The following PDE11A variants were observed in gnomAD, a reference collection of about 807,000 sequenced individuals.
PDE11A encodes phosphodiesterase 11A.
A neutral mutation model predicts 100.5 loss-of-function variants in PDE11A; 100 were observed. The observed-to-expected ratio is 1.00, with a 90% CI of 0.85 to 1.18. The LOEUF (loss-of-function observed/expected upper bound fraction) is 1.18, where lower values mean the gene tolerates loss of function less well. PDE11A is among the 50% of genes most tolerant of loss of function. PDE11A has a pLI of 0.00. For synonymous variants in PDE11A, 381 were observed against 420.8 expected, an observed-to-expected ratio of 0.91 and a Z score of 1.16; for missense variants, 1,141 against 1,152.6, an observed-to-expected ratio of 0.99 and a Z score of 0.15.
upstream of PDE11A, among the ~76,000 whole-genome samples, chr2:178,073,985 G>T (rs2087171634): frequency 1.3e-5 from 2 of 151,998 alleles, no homozygotes; most frequent in East Asian, 3.9e-4. Context: ...ATGTCCATCA[G>T]CTGAGGAACA....
chr2:177,840,324 G>A lies in PDE11A; in HGVS notation c.1427C>T (p.Ala476Val), dbSNP rs2083470910. 1.2e-6 allele frequency: 2 copies of A among 1,613,314 alleles called. No homozygotes were observed. The highest frequency in any genetic ancestry group is 1.7e-5 in the Admixed American group (1 of 60,004). ...AAGGCCTGTTGAAGCAACCAGCTCA[G>A]CAATGCTGTTATTTATTAGCCAGTC... Reference protein sequence around the residue: ...YSDWLINNSIAELVASTGLPV... With the variant: ...YSDWLINNSIVELVASTGLPV... The change falls in exon 6 of 20, where the codon GCT (alanine) becomes GTT (valine). Residue 476 changes from alanine (A) to valine (V), a missense_variant. Physicochemically the swap from Ala to Val is moderately conservative, Grantham distance 64. Transcript: ENST00000286063.
At chr2:177,688,774 C>T (rs996406099) in intron 15 of PDE11A, among the ~76,000 whole-genome samples, 2 of 152,224 alleles carry the variant, frequency 1.3e-5, no homozygotes, top group African/African-American at 4.8e-5. Context: ...TTGAACAGAA[C>T]GGCTAAAATT....
intron 6 of PDE11A, among the ~76,000 whole-genome samples, chr2:177,824,108 T>C (rs80071136): frequency 6.6e-6 from 1 of 152,170 alleles, no homozygotes; most frequent in Admixed American, 6.6e-5. Flanking sequence ...TTTTTTTTTT[T>C]CTTCTGGGAA....
intron 2 of PDE11A, among the ~76,000 whole-genome samples, chr2:178,011,521 C>G (rs2086274214): frequency 6.6e-6 from 1 of 152,170 alleles, no homozygotes; most frequent in African/African-American, 2.4e-5. Flanking sequence ...AGGTGCAGAG[C>G]TTCTGATCCT....
At chr2:177,667,445 C>T (rs1228914036) in intron 18 of PDE11A, among the ~76,000 whole-genome samples, 1 of 152,136 alleles carries the variant, frequency 6.6e-6, no homozygotes, top group African/African-American at 2.4e-5. Context: ...AGGTAGGGAG[C>T]CAACTTCATT....
At chr2:177,829,452 CT>C (rs35041048) in intron 6 of PDE11A, among the ~76,000 whole-genome samples, 9 of 147,374 alleles carry the variant, frequency 6.1e-5, no homozygotes, top group South Asian at 2.2e-4. Flanking sequence ...AGGCAAAATT[CT>C]TTTTTTTTTA....
rs548321692 is a variant in PDE11A at position 177,818,010 on chromosome 2, C to T, written c.1577-85G>A. On this transcript the variant is annotated intron_variant, in intron 7 of 19. Transcript: ENST00000286063. The stretch of plus-strand genomic sequence containing the variant: ...TAGAGTAGCCACAGCTAACTCTATG[C>T]CTTTTTTAAGGAACTGCACTCAGTT... The T allele has an allele frequency of 4.0e-6, 3 of 756,432 alleles. 1 individual carries two copies. In the African/African-American group the frequency reaches 5.2e-5, roughly 13 times the overall value. 46.9% of individuals were successfully genotyped at this position (756,432 alleles called of 1,614,324 possible).
intron 9 of PDE11A, among the ~76,000 whole-genome samples, chr2:177,793,808 G>A (rs1352231924): frequency 1.3e-5 from 2 of 152,190 alleles, no homozygotes; most frequent in Non-Finnish European, 2.9e-5. Flanking sequence ...CCGGTGTCTA[G>A]TCAGTAGAAG....
intron 2 of PDE11A, among the ~76,000 whole-genome samples, chr2:177,988,829 T>A (rs879533631): frequency 2.0e-5 from 3 of 152,212 alleles, no homozygotes; most frequent in African/African-American, 4.8e-5. Flanking sequence ...ATGACAGGTA[T>A]ACAGGCAGCA....
chr2:177,820,936 A>G (rs2083129292), intron 6 of PDE11A, among the ~76,000 whole-genome samples: 1 of 151,878 alleles, frequency 6.6e-6, no homozygotes, highest in South Asian at 2.1e-4. Flanking sequence ...TTTAATATTA[A>G]AAACAGTGGT....
intron 2 of PDE11A, among the ~76,000 whole-genome samples, chr2:177,929,751 C>T (rs1431177091): frequency 6.6e-6 from 1 of 152,172 alleles, no homozygotes; most frequent in Non-Finnish European, 1.5e-5. Flanking sequence ...AAGCTTTCCC[C>T]CCAAGTCTCA....
chr2:177,844,197 A>C (rs914564901), intron 5 of PDE11A, among the ~76,000 whole-genome samples: 1 of 152,210 alleles, frequency 6.6e-6, no homozygotes, highest in Non-Finnish European at 1.5e-5. Flanking sequence ...TATTTATCAC[A>C]GTTTTGAGAC....
At chr2:177,900,361 T>A (rs1004212972) in intron 3 of PDE11A, among the ~76,000 whole-genome samples, 3 of 152,252 alleles carry the variant, frequency 2.0e-5, no homozygotes, top group Non-Finnish European at 4.4e-5. Flanking sequence ...CTGATCATCA[T>A]CTCAGGGACA....
In PDE11A at chr2:177,629,400, T is replaced by C. The variant is rs745445262; in HGVS notation, c.*7A>G. ...AGTCATTTTGCAGCTGCAGCTGACCTGGAGGTTTAGTTCCTGTCTTCCTTG... is the reference window on the plus strand; with the variant it reads ...AGTCATTTTGCAGCTGCAGCTGACCCGGAGGTTTAGTTCCTGTCTTCCTTG... On this transcript the variant is annotated 3_prime_UTR_variant, in exon 20 of 20. Coordinates refer to ENST00000286063, the MANE Select transcript of PDE11A (RefSeq NM_016953.4). 2 of 1,613,072 alleles carry C rather than the reference T, an allele frequency of 1.2e-6. No homozygotes were observed. The highest frequency in any genetic ancestry group is 1.7e-6 in the Non-Finnish European group (2 of 1,179,616).
chr2:177,996,914 T>C lies in PDE11A; in HGVS notation c.1071+17388A>G, dbSNP rs537895273. On this transcript the variant is annotated intron_variant, in intron 2 of 19. Coordinates refer to ENST00000286063, the MANE Select transcript of PDE11A (RefSeq NM_016953.4). Reference sequence around the variant, plus strand: ...AGCTCTCAACAACAAATTATCAACATATTTAAAAGTAAAAGATTCACAATT... The same window carrying C: ...AGCTCTCAACAACAAATTATCAACACATTTAAAAGTAAAAGATTCACAATT... Among the ~76,000 whole-genome samples, 312 of 152,326 alleles carry C rather than the reference T, an allele frequency of 2.0e-3. 1 individual carries two copies. Among genetic ancestry groups the C allele is most frequent in the African/African-American group, 6.9e-3 (288 of 41,572 alleles).
intron 2 of PDE11A, among the ~76,000 whole-genome samples, chr2:177,916,824 A>C (rs1203194328): frequency 6.6e-6 from 1 of 151,732 alleles, no homozygotes; most frequent in African/African-American, 2.4e-5. Flanking sequence ...CAGTGGCACA[A>C]TCTCAGCTCA....
chr2:177,781,510 T>C (rs576343948), intron 9 of PDE11A, among the ~76,000 whole-genome samples: 140 of 152,150 alleles, frequency 9.2e-4, no homozygotes, highest in Admixed American at 4.4e-3. Context: ...TTTTCTTTTT[T>C]TTTTTTTTGA....
chr2:177,770,768 A>G lies in PDE11A; in HGVS notation c.1738-1395T>C, dbSNP rs557750399. Among the ~76,000 whole-genome samples, 9 of 152,350 alleles carry G rather than the reference A, an allele frequency of 5.9e-5. No homozygotes were observed. In the South Asian group the frequency reaches 1.5e-3, roughly 25 times the overall value. ...TTATAAGGCATATTTACAGACATAT[A>G]CACACTCACACATAAATAGCATATG... On this transcript the variant is annotated intron_variant, in intron 9 of 19. Coordinates refer to ENST00000286063, the MANE Select transcript of PDE11A (RefSeq NM_016953.4).
intron 9 of PDE11A, among the ~76,000 whole-genome samples, chr2:177,795,343 T>G (rs1422664771): frequency 2.0e-5 from 3 of 152,088 alleles, no homozygotes; most frequent in Admixed American, 6.5e-5. Context: ...CTACAACAGG[T>G]AGGTTTCTCC....
Sources: allele counts gnomAD v4.1 joint callset (sites outside exome capture counted in the v4.1 genomes callset), GRCh38; gene constraint gnomAD v4.1.1; transcripts MANE v1.5; gene names NCBI Gene and HGNC (gene_info 2026-07-23, HGNC 2026-07-21).